Variants in DMBT1 observed in about 807,000 individuals in gnomAD.
The protein encoded by DMBT1 is scavenger receptor cysteine-rich domain-containing protein DMBT1.
In DMBT1, 198 loss-of-function variants were observed where a neutral mutation model predicts 252.9. The ratio of observed to expected loss-of-function variants is 0.78; its 90% CI spans 0.70 to 0.88. DMBT1 has a LOEUF of 0.88. Ranked by LOEUF, DMBT1 falls within the 40% of genes least tolerant of loss-of-function variation. DMBT1 has a pLI of 0.00. For missense variants in DMBT1, 2,432 were observed against 2,404.7 expected (o/e 1.01, Z -0.24); for synonymous variants, 990 against 942.7 (o/e 1.05, Z -0.92).
chr10:122,587,411 G>A (rs2097800135), intron 16 of DMBT1, among the ~76,000 whole-genome samples: 1 of 148,936 alleles, frequency 6.7e-6, no homozygotes, highest in Non-Finnish European at 1.5e-5. Context: ...TCCCTCCAGA[G>A]CACTGCAGTG....
intron 40 of DMBT1, among the ~76,000 whole-genome samples, chr10:122,617,722 C>G (rs2098009343): frequency 6.6e-6 from 1 of 151,646 alleles, no homozygotes; most frequent in Non-Finnish European, 1.5e-5. Context: ...CTCTCTGGAG[C>G]TGTGGAGCTC....
intron 46 of DMBT1, among the ~76,000 whole-genome samples, chr10:122,628,369 C>T (rs1354278586): frequency 6.6e-6 from 1 of 152,196 alleles, no homozygotes; most frequent in Non-Finnish European, 1.5e-5. Flanking sequence ...GGCGCGGTGG[C>T]TCATACCTGT....
rs765930922 is a variant in DMBT1 at position 122,633,181 on chromosome 10, G to A, written c.6398-10G>A. ...GGGGTCACCGACATTCCCACTTTTTGTCCTGACAGCAGATTATTCCTGCGG... is the reference window on the plus strand; with the variant it reads ...GGGGTCACCGACATTCCCACTTTTTATCCTGACAGCAGATTATTCCTGCGG... On this transcript the variant is annotated splice_polypyrimidine_tract_variant and intron_variant, in intron 51 of 55. Transcript: ENST00000338354. The A allele has an allele frequency of 6.2e-7, 1 of 1,612,768 alleles. No individual in the cohort carries two copies. Among genetic ancestry groups the A allele is most frequent in the Admixed American group, 1.7e-5 (1 of 59,718 alleles).
Position 122,581,549 on chromosome 10 carries a change from C to A in DMBT1, c.1034-244C>A, listed in dbSNP as rs1256766048. On this transcript the variant is annotated intron_variant, in intron 11 of 55. Coordinates refer to ENST00000338354, the MANE Select transcript of DMBT1 (RefSeq NM_001377530.1). ...ATGTGGGATGGCATGGTGGGGGCAT[C>A]CTCTAACAGATAGAAAGATACCCCA... Among the ~76,000 whole-genome samples, 17 of 148,386 alleles carry A rather than the reference C, an allele frequency of 1.1e-4. 1 individual carries two copies. The highest frequency in any genetic ancestry group is 4.4e-4 in the African/African-American group (17 of 38,904).
Position 122,576,678 on chromosome 10 carries a change from C to G in DMBT1, c.563C>G (p.Ser188Cys). The stretch of plus-strand genomic sequence containing the variant: ...AGCTGCCCCCACAATGGCTGGCTCT[C>G]CCATAACTGTGGCCATGGTGAAGAT... Reference protein sequence around the residue: ...LWSCPHNGWLSHNCGHGEDAG... With the variant: ...LWSCPHNGWLCHNCGHGEDAG... The change falls in exon 7 of 56, where the codon TCC becomes TGC. Residue 188 changes from serine (S) to cysteine (C), a missense_variant. This residue lies in a region of DMBT1 where 1,264 missense variants were observed against 1,082.2 expected (regional missense o/e 1.17). Transcript: ENST00000338354. The G allele has an allele frequency of 6.2e-7, 1 of 1,613,774 alleles. No individual in the cohort carries two copies. Among genetic ancestry groups the G allele is most frequent in the Non-Finnish European group, 8.5e-7 (1 of 1,179,734 alleles).
chr10:122,568,981 A>T (rs941821230), intron 2 of DMBT1, among the ~76,000 whole-genome samples: 1 of 152,210 alleles, frequency 6.6e-6, no homozygotes, highest in Non-Finnish European at 1.5e-5. Flanking sequence ...ATGTGTGCGT[A>T]CATATGTGTG....
At chr10:122,577,980 T>A in intron 8 of DMBT1, 140 bp downstream of exon 8, 1 of 882,462 alleles carries the variant, frequency 1.1e-6, no homozygotes, top group Non-Finnish European at 1.7e-6. Flanking sequence ...ACTGAGACCC[T>A]AGCATGGGGC....
At position 122,572,342 on chromosome 10, in the gene DMBT1, G is replaced by C; in HGVS notation, c.216G>C (p.Leu72=). The part of the protein sequence containing the change: ...EGSPISLEST[L]ESTVAEGSLI... Reference sequence around the variant, plus strand: ...CTCCGATTTCCTTGGAGTCAACCCTGGAGTCAACCGTAGCAGAAGGTAACG... The same window carrying C: ...CTCCGATTTCCTTGGAGTCAACCCTCGAGTCAACCGTAGCAGAAGGTAACG... The change falls in exon 5 of 56, where the codon CTG becomes CTC. Residue 72 remains leucine (L), a synonymous_variant. Coordinates refer to ENST00000338354, the MANE Select transcript of DMBT1 (RefSeq NM_001377530.1). 1 of 1,613,048 alleles carries C rather than the reference G, an allele frequency of 6.2e-7. No homozygotes were observed. Among genetic ancestry groups the C allele is most frequent in the African/African-American group, 1.3e-5 (1 of 75,028 alleles).
At chr10:122,634,019 C>T (rs1381513490) in intron 52 of DMBT1, among the ~76,000 whole-genome samples, 4 of 152,140 alleles carry the variant, frequency 2.6e-5, no homozygotes, top group African/African-American at 9.7e-5. Context: ...CACCTGTAGT[C>T]CCAGCTACTA....
rs1316056137 is a variant in DMBT1, at chr10:122,618,296, C to T, written c.5171C>T (p.Ser1724Phe). 2.5e-5 allele frequency: 41 copies of T among 1,613,714 alleles called. No individual in the cohort carries two copies. The highest frequency in any genetic ancestry group is 6.7e-5 in the Admixed American group (4 of 59,992). ...LWSCPHNGWL[S>F]HNCGHHEDAG... ...AGCTGCCCCCACAATGGCTGGCTCT[C>T]CCACAACTGTGGCCATCATGAAGAT... Residue 1724 changes from serine to phenylalanine, a missense_variant, in exon 41 of 56, where the codon TCC (serine) becomes TTC (phenylalanine). This residue lies in a region of DMBT1 where 1,162 missense variants were observed against 1,169.0 expected (regional missense o/e 0.99). Coordinates refer to ENST00000338354, the MANE Select transcript of DMBT1 (RefSeq NM_001377530.1).
At chr10:122,590,787 TGG>T (rs2097843638) in intron 18 of DMBT1, 93 bp downstream of exon 18, 4 of 1,442,544 alleles carry the variant, frequency 2.8e-6, no homozygotes, top group Non-Finnish European at 3.8e-6. Context: ...CTTACCTGTG[TGG>T]ATACTGTGGG....
rs770705963 is a variant in DMBT1, at chr10:122,617,257, G to A, written c.4888G>A (p.Ala1630Thr). 1 of 1,609,758 alleles carries A rather than the reference G, an allele frequency of 6.2e-7. No homozygotes were observed. The highest frequency in any genetic ancestry group is 1.1e-5 in the South Asian group (1 of 90,904). ...DTWPTSRAST[A>T]GSESTLALRL... ...TTGGCCAACCTCTCGTGCATCAACA[G>A]CAGGTAAACAATCCTCTCACCCCTC... is the stretch of plus-strand genomic sequence containing the variant. The change falls in exon 40 of 56, where the codon GCA (alanine) becomes ACA (threonine). Residue 1630 changes from alanine to threonine, a missense_variant. This residue lies in a region of DMBT1 where 1,162 missense variants were observed against 1,169.0 expected (regional missense o/e 0.99). Coordinates refer to ENST00000338354, the MANE Select transcript of DMBT1 (RefSeq NM_001377530.1).
At position 122,586,284 on chromosome 10, in the gene DMBT1, C is replaced by T. The variant is rs370276232; in HGVS notation, c.1684C>T (p.Arg562Cys). The part of the protein sequence containing the change: ...GSGPIVLDDV[R>C]CSGNESYLWS... ...AGGACCCATTGTCCTGGATGACGTG[C>T]GCTGCTCAGGGAATGAGTCCTACTT... The change falls in exon 16 of 56, where the codon CGC becomes TGC. Residue 562 changes from arginine (R) to cysteine (C), a missense_variant. Physicochemically the swap from Arg to Cys is radical, Grantham distance 180 (BLOSUM62 -3). Around this residue, in one of 3 missense-constraint regions of DMBT1, gnomAD observed 1,264 missense variants for 1,082.2 expected, o/e 1.17. Coordinates refer to ENST00000338354, the MANE Select transcript of DMBT1 (RefSeq NM_001377530.1). 46 of 1,588,508 alleles carry T rather than the reference C, an allele frequency of 2.9e-5. 5 individuals are homozygous for T. Among genetic ancestry groups the T allele is most frequent in the South Asian group, 1.5e-4 (13 of 87,002 alleles).
Position 122,617,241 on chromosome 10 carries a change from C to T in DMBT1, c.4872C>T (p.Thr1624=). The T allele has an allele frequency of 1.9e-6, 3 of 1,609,960 alleles. No individual in the cohort carries two copies. The highest frequency in any genetic ancestry group is 1.1e-5 in the South Asian group (1 of 90,902). ...TGCTATTTACAGACACTTGGCCAAC[C>T]TCTCGTGCATCAACAGCAGGTAAAC... ...QPTPSPDTWP[T]SRASTAGSES... Residue 1624 remains threonine, a synonymous_variant, in exon 40 of 56, where the codon ACC becomes ACT. Coordinates refer to ENST00000338354, the MANE Select transcript of DMBT1 (RefSeq NM_001377530.1).
In DMBT1 at chr10:122,598,913, G is replaced by T; in HGVS notation, c.3096G>T (p.Arg1032Ser). The change falls in exon 26 of 56, where the codon AGG becomes AGT. Residue 1032 changes from arginine (R) to serine (S), a missense_variant. Arg to Ser is a moderately radical substitution (Grantham distance 110). Coordinates refer to ENST00000338354, the MANE Select transcript of DMBT1 (RefSeq NM_001377530.1). ...WDTNDANVVC[R>S]QLGCGWAMSA... ...CCAATGATGCCAATGTCGTCTGCAG[G>T]CAACTGGGCTGTGGCTGGGCCATGT... The T allele has an allele frequency of 6.2e-7, 1 of 1,613,826 alleles. No homozygotes were observed. The highest frequency in any genetic ancestry group is 8.5e-7 in the Non-Finnish European group (1 of 1,179,758).
Position 122,637,254 on chromosome 10 carries a change from T to A in DMBT1, c.6884T>A (p.Ile2295Lys). 1 of 1,614,006 alleles carries A rather than the reference T, an allele frequency of 6.2e-7. No individual in the cohort carries two copies. The highest frequency in any genetic ancestry group is 1.6e-4 in the Middle Eastern group (1 of 6,062). Residue 2295 changes from isoleucine (I) to lysine (K), a missense_variant, in exon 54 of 56, where the codon ATA becomes AAA. Around this residue, in one of 3 missense-constraint regions of DMBT1, gnomAD observed 1,162 missense variants for 1,169.0 expected, o/e 0.99. Coordinates refer to ENST00000338354, the MANE Select transcript of DMBT1 (RefSeq NM_001377530.1). ...GGATACTACGAGTGTCGGCCCCAGA[T>A]AACGCCGAACCTGGTGATATTCACA... ...WNGYYECRPQ[I>K]TPNLVIFTIP...
Position 122,598,028 on chromosome 10 carries a change from G to C in DMBT1, c.2956+16G>C, listed in dbSNP as rs778698129. On this transcript the variant is annotated intron_variant, in intron 25 of 55. Coordinates refer to ENST00000338354, the MANE Select transcript of DMBT1 (RefSeq NM_001377530.1). ...TCGACAGTAGGTAAATATTCCTCTC[G>C]CCCCTCCCTAGGGCTCACTCTCTAC... The C allele has an allele frequency of 2.5e-6, 4 of 1,613,722 alleles. No individual in the cohort carries two copies. In the African/African-American group the frequency reaches 5.3e-5, roughly 22 times the overall value.
intron 46 of DMBT1, among the ~76,000 whole-genome samples, chr10:122,628,323 AT>A (rs974076491): frequency 6.6e-6 from 1 of 152,212 alleles, no homozygotes; most frequent in Non-Finnish European, 1.5e-5. Context: ...GCAGTGGAGT[AT>A]TATTTGGCAA....
chr10:122,576,489 C>A lies in DMBT1; in HGVS notation c.374C>A (p.Thr125Asn), dbSNP rs751828262. Reference protein sequence around the residue: ...VEILYRGSWGTVCDDSWDTND... With the variant: ...VEILYRGSWGNVCDDSWDTND... ...ATCCTATACCGAGGCTCCTGGGGCA[C>A]CGTGTGTGATGACAGCTGGGACACC... Residue 125 changes from threonine to asparagine, a missense_variant, in exon 7 of 56, where the codon ACC becomes AAC. Coordinates refer to ENST00000338354, the MANE Select transcript of DMBT1 (RefSeq NM_001377530.1). 6.2e-7 allele frequency: 1 copy of A among 1,613,926 alleles called. No homozygotes were observed.
Sources: gnomAD v4.1 joint callset for allele counts (sites outside exome capture counted in the v4.1 genomes callset) on GRCh38, gnomAD v4.1.1 for gene constraint, gnomAD v4.1.1 regional missense constraint, MANE v1.5 for transcripts, NCBI Gene and HGNC (gene_info 2026-07-23, HGNC 2026-07-21) for gene names.